The following KRTAP4-12 variants were observed in gnomAD, a reference collection of about 807,000 sequenced individuals.
KRTAP4-12 encodes keratin associated protein 4-12, also known as keratin-associated protein 4-12.
Under a neutral mutation model 0.9 loss-of-function variants are expected in KRTAP4-12, and 1 was observed. The ratio of observed to expected loss-of-function variants is 1.11; its 90% CI spans 0.40 to 5.29. The LOEUF (loss-of-function observed/expected upper bound fraction) is 5.29, where lower values mean the gene tolerates loss of function less well. Among genes scored for constraint, KRTAP4-12 ranks in the 30% most tolerant of loss-of-function variants. The pLI, the probability that KRTAP4-12 is intolerant of heterozygous loss-of-function variation, is 0.16. For missense variants in KRTAP4-12, 240 were observed against 265.6 expected (o/e 0.90, Z 0.67); for synonymous variants, 85 against 94.0 (o/e 0.90, Z 0.55).
Position 41,123,873 on chromosome 17 carries a change from T to A in KRTAP4-12, c.250A>T (p.Ser84Cys), listed in dbSNP as rs1441964465. The change falls in exon 1 of 1, where the codon AGC becomes TGC. Residue 84 changes from serine (S) to cysteine (C), a missense_variant. By Grantham distance (112) the Ser-to-Cys change is moderately radical. Coordinates refer to ENST00000394014, the MANE Select transcript of KRTAP4-12 (RefSeq NM_031854.3). ...TCCRPSCCVS[S>C]CCRPQCCQSV... ...TGGCAGCACTGGGGTCTGCAGCAGC[T>A]GGACACACAGCAGCTGGGGCGGCAG... The A allele has an allele frequency of 1.9e-6, 3 of 1,568,928 alleles. No homozygotes were observed. In the South Asian group the frequency reaches 3.4e-5, roughly 18 times the overall value.
Position 41,123,380 on chromosome 17 carries a change from C to T in KRTAP4-12, c.*137G>A, listed in dbSNP as rs905801736. On this transcript the variant is annotated 3_prime_UTR_variant, in exon 1 of 1. Coordinates refer to ENST00000394014, the MANE Select transcript of KRTAP4-12 (RefSeq NM_031854.3). The stretch of plus-strand genomic sequence containing the variant: ...GGGAGTTTGGACAAAAGGTAGAATG[C>T]AAATACAGAATTTCTAAGGATGAGG... 16 of 1,424,136 alleles carry T rather than the reference C, an allele frequency of 1.1e-5. No homozygotes were observed. The highest frequency in any genetic ancestry group is 1.4e-5 in the Non-Finnish European group (15 of 1,074,952). The allele number at this position is 1,424,136 out of a possible 1,614,324, so 88.2% of individuals were successfully genotyped here.
chr17:41,123,371 G>A lies in KRTAP4-12; in HGVS notation c.*146C>T. 7.1e-7 allele frequency: 1 copy of A among 1,401,182 alleles called. No homozygotes were observed. Among genetic ancestry groups the A allele is most frequent in the South Asian group, 1.5e-5 (1 of 65,786 alleles). The allele number at this position is 1,401,182 out of a possible 1,614,324, so 86.8% of individuals were successfully genotyped here. ...TGGAAGGAAGGGAGTTTGGACAAAAGGTAGAATGCAAATACAGAATTTCTA... is the reference window on the plus strand; with the variant it reads ...TGGAAGGAAGGGAGTTTGGACAAAAAGTAGAATGCAAATACAGAATTTCTA... On this transcript the variant is annotated 3_prime_UTR_variant, in exon 1 of 1. Transcript: ENST00000394014.
chr17:41,123,287 GT>G lies in KRTAP4-12; in HGVS notation c.*229del. On this transcript the variant is annotated 3_prime_UTR_variant, in exon 1 of 1. Transcript: ENST00000394014. ...GAATAAATGTCCTGAAGTCAAAGAG[GT>G]GGGAGGATGTTGGAGGACAATTTGT... 1.2e-6 allele frequency: 1 copy of G among 832,010 alleles called. No homozygotes were observed. Among genetic ancestry groups the G allele is most frequent in the Non-Finnish European group, 1.8e-6 (1 of 541,468 alleles). The allele number at this position is 832,010 out of a possible 1,614,324, so 51.5% of individuals were successfully genotyped here. A position where few individuals can be genotyped will look rare whatever the true frequency, so the allele number is the denominator to read the frequency against.
chr17:41,123,331 G>T lies in KRTAP4-12; in HGVS notation c.*186C>A. 1 of 1,176,790 alleles carries T rather than the reference G, an allele frequency of 8.5e-7. No homozygotes were observed. The highest frequency in any genetic ancestry group is 1.2e-6 in the Non-Finnish European group (1 of 852,974). 72.9% of individuals were successfully genotyped at this position (1,176,790 alleles called of 1,614,324 possible). A position where few individuals can be genotyped will look rare whatever the true frequency, so the allele number is the denominator to read the frequency against. On this transcript the variant is annotated 3_prime_UTR_variant, in exon 1 of 1. Coordinates refer to ENST00000394014, the MANE Select transcript of KRTAP4-12 (RefSeq NM_031854.3). Reference sequence around the variant, plus strand: ...CAATTTGTCAATTTATTAGGAGATTGTCAATGAATTCCTTTGGAAGGAAGG... The same window carrying T: ...CAATTTGTCAATTTATTAGGAGATTTTCAATGAATTCCTTTGGAAGGAAGG...
chr17:41,123,919 G>A lies in KRTAP4-12; in HGVS notation c.204C>T (p.Thr68=), dbSNP rs748291808. Residue 68 remains threonine, a synonymous_variant, in exon 1 of 1, where the codon ACC becomes ACT. Coordinates refer to ENST00000394014, the MANE Select transcript of KRTAP4-12 (RefSeq NM_031854.3). The stretch of plus-strand genomic sequence containing the variant: ...GGCAGCAGGTGGTCCTACAGCAGGT[G>A]GTCTGACAGCAGCTGGGGCGGCAGC... The part of the protein sequence containing the change: ...PTCCRPSCCQ[T]TCCRTTCCRP... The A allele has an allele frequency of 1.5e-5, 23 of 1,559,874 alleles. 1 individual carries two copies. In the East Asian group the frequency reaches 5.2e-4, roughly 35 times the overall value.
rs181136300 is a variant in KRTAP4-12 at position 41,123,510 on chromosome 17, C to G, written c.*7G>C. ...TAATAAGGAAGTGGTGTGTTCACAG[C>G]AGAGATTTAGCAGCAAGAGGAGGCA... On this transcript the variant is annotated 3_prime_UTR_variant, in exon 1 of 1. Transcript: ENST00000394014. The G allele has an allele frequency of 6.2e-7, 1 of 1,609,180 alleles. No individual in the cohort carries two copies. Among genetic ancestry groups the G allele is most frequent in the Non-Finnish European group, 8.5e-7 (1 of 1,177,630 alleles).
chr17:41,124,054 G>A lies in KRTAP4-12; in HGVS notation c.69C>T (p.Pro23=), dbSNP rs148036581. 2.1e-5 allele frequency: 34 copies of A among 1,613,814 alleles called. No homozygotes were observed. In the African/African-American group the frequency reaches 4.3e-4, roughly 20 times the overall value. Residue 23 remains proline, a synonymous_variant, in exon 1 of 1, where the codon CCC becomes CCT. Coordinates refer to ENST00000394014, the MANE Select transcript of KRTAP4-12 (RefSeq NM_031854.3). ...QGCGLENCCR[P]SCCQTTCCRT... The stretch of plus-strand genomic sequence containing the variant: ...TGCAGCAGGTGGTCTGGCAGCAGCT[G>A]GGGCGGCAGCAGTTCTCCAGGCCAC...
At position 41,123,680 on chromosome 17, in the gene KRTAP4-12, G is replaced by A. The variant is rs770954863; in HGVS notation, c.443C>T (p.Ser148Phe). ...PTCCRPSCCI[S>F]SSCCPSCCES... ...ACAGCAAGAGGGGCAGCAGCTGCTG[G>A]AGATGCAGCAGCTGGGGCGGCAGCA... The change falls in exon 1 of 1, where the codon TCC (serine) becomes TTC (phenylalanine). Residue 148 changes from serine to phenylalanine, a missense_variant. By Grantham distance (155) the Ser-to-Phe change is radical (BLOSUM62 -2). This residue lies in a region of KRTAP4-12 where 119 missense variants were observed against 106.2 expected (regional missense o/e 1.12). Transcript: ENST00000394014. 4 of 1,613,622 alleles carry A rather than the reference G, an allele frequency of 2.5e-6. No homozygotes were observed. Among genetic ancestry groups the A allele is most frequent in the Non-Finnish European group, 3.4e-6 (4 of 1,179,968 alleles).
rs530147122 is a variant in KRTAP4-12, at chr17:41,123,103, A to C, written c.*414T>G. ...GAATCATATTCAATTTTCAGTGCCA[A>C]TAGAATAGAGGTTTATTTTGGTACA... is the stretch of plus-strand genomic sequence containing the variant. On this transcript the variant is annotated 3_prime_UTR_variant, in exon 1 of 1. Transcript: ENST00000394014. 1.3e-5 allele frequency: 3 copies of C among 236,498 alleles called. No homozygotes were observed. The highest frequency in any genetic ancestry group is 1.8e-4 in the South Asian group (2 of 10,972). 14.6% of individuals were successfully genotyped at this position (236,498 alleles called of 1,614,324 possible).
At position 41,124,002 on chromosome 17, in the gene KRTAP4-12, A is replaced by G; in HGVS notation, c.121T>C (p.Cys41Arg). The G allele has an allele frequency of 6.2e-7, 1 of 1,605,570 alleles. No individual in the cohort carries two copies. The highest frequency in any genetic ancestry group is 8.5e-7 in the Non-Finnish European group (1 of 1,179,028). ...TGGGGCCTGCAGCAGCTGGACACAC[A>G]GCAGCTGGGGCGGCAGCAGGTGGTC... ...CRTTCCRPSCCVSSCCRPQCC... is the reference protein window; with the variant it reads ...CRTTCCRPSCRVSSCCRPQCC... The change falls in exon 1 of 1, where the codon TGT becomes CGT. Residue 41 changes from cysteine to arginine, a missense_variant. Cys to Arg is a radical substitution (Grantham distance 180). Around this residue, in one of 3 missense-constraint regions of KRTAP4-12, gnomAD observed 110 missense variants for 115.0 expected, o/e 0.96. Coordinates refer to ENST00000394014, the MANE Select transcript of KRTAP4-12 (RefSeq NM_031854.3).
chr17:41,123,589 G>T lies in KRTAP4-12; in HGVS notation c.534C>A (p.Thr178=). Residue 178 remains threonine, a synonymous_variant, in exon 1 of 1, where the codon ACC becomes ACA. Coordinates refer to ENST00000394014, the MANE Select transcript of KRTAP4-12 (RefSeq NM_031854.3). ...TGACACAGGTTGGGCGATAGCAAGTGGTGTGGCAGGAGACTCGGCCACAGA... is the reference window on the plus strand; with the variant it reads ...TGACACAGGTTGGGCGATAGCAAGTTGTGTGGCAGGAGACTCGGCCACAGA... ...RPVCGRVSCH[T]TCYRPTCVIS... is the part of the protein sequence containing the mutation. 1.2e-6 allele frequency: 2 copies of T among 1,612,594 alleles called. No individual in the cohort carries two copies. Among genetic ancestry groups the T allele is most frequent in the Non-Finnish European group, 8.5e-7 (1 of 1,179,412 alleles).
chr17:41,123,349 A>C lies in KRTAP4-12; in HGVS notation c.*168T>G. On this transcript the variant is annotated 3_prime_UTR_variant, in exon 1 of 1. Coordinates refer to ENST00000394014, the MANE Select transcript of KRTAP4-12 (RefSeq NM_031854.3). Reference sequence around the variant, plus strand: ...GGAGATTGTCAATGAATTCCTTTGGAAGGAAGGGAGTTTGGACAAAAGGTA... The same window carrying C: ...GGAGATTGTCAATGAATTCCTTTGGCAGGAAGGGAGTTTGGACAAAAGGTA... The C allele has an allele frequency of 7.7e-7, 1 of 1,298,668 alleles. No individual in the cohort carries two copies. The highest frequency in any genetic ancestry group is 1.6e-5 in the South Asian group (1 of 62,708). The allele number at this position is 1,298,668 out of a possible 1,614,324, so 80.4% of individuals were successfully genotyped here. A position where few individuals can be genotyped will look rare whatever the true frequency, so the allele number is the denominator to read the frequency against.
Position 41,123,236 on chromosome 17 carries a change from C to T in KRTAP4-12, c.*281G>A, listed in dbSNP as rs1478639882. 4.9e-6 allele frequency: 3 copies of T among 606,758 alleles called. No individual in the cohort carries two copies. Among genetic ancestry groups the T allele is most frequent in the East Asian group, 3.0e-5 (1 of 33,570 alleles). 37.6% of individuals were successfully genotyped at this position (606,758 alleles called of 1,614,324 possible). On this transcript the variant is annotated 3_prime_UTR_variant, in exon 1 of 1. Coordinates refer to ENST00000394014, the MANE Select transcript of KRTAP4-12 (RefSeq NM_031854.3). ...TCTGTGGCCCTACAAATGATGGAGGCAATCTTCAAATTCCTTAGGCATGAT... is the reference window on the plus strand; with the variant it reads ...TCTGTGGCCCTACAAATGATGGAGGTAATCTTCAAATTCCTTAGGCATGAT...
rs1478305294 is a variant in KRTAP4-12 at position 41,124,073 on chromosome 17, A to G, written c.50T>C (p.Leu17Pro). 1 of 1,613,452 alleles carries G rather than the reference A, an allele frequency of 6.2e-7. No individual in the cohort carries two copies. Among genetic ancestry groups the G allele is most frequent in the African/African-American group, 1.3e-5 (1 of 74,644 alleles). ...GSVCSDQGCG[L>P]ENCCRPSCCQ... ...GCAGCTGGGGCGGCAGCAGTTCTCC[A>G]GGCCACAGCCCTGGTCAGAGCACAC... The change falls in exon 1 of 1, where the codon CTG becomes CCG. Residue 17 changes from leucine to proline, a missense_variant. Physicochemically the swap from Leu to Pro is moderately conservative, Grantham distance 98 (BLOSUM62 -3). Coordinates refer to ENST00000394014, the MANE Select transcript of KRTAP4-12 (RefSeq NM_031854.3).
At position 41,123,192 on chromosome 17, in the gene KRTAP4-12, A is replaced by C. The variant is rs761112942; in HGVS notation, c.*325T>G. ...TAAGAGAGAGACTTCACTGGACTTCAAGGTTGGAGGCTTTAAGATCTGTGG... is the reference window on the plus strand; with the variant it reads ...TAAGAGAGAGACTTCACTGGACTTCCAGGTTGGAGGCTTTAAGATCTGTGG... On this transcript the variant is annotated 3_prime_UTR_variant, in exon 1 of 1. Coordinates refer to ENST00000394014, the MANE Select transcript of KRTAP4-12 (RefSeq NM_031854.3). 5.5e-5 allele frequency: 27 copies of C among 489,924 alleles called. No individual in the cohort carries two copies. Among genetic ancestry groups the C allele is most frequent in the Non-Finnish European group, 8.8e-5 (25 of 284,100 alleles). 30.3% of individuals were successfully genotyped at this position (489,924 alleles called of 1,614,324 possible).
rs1172415991 is a variant in KRTAP4-12, at chr17:41,123,238, A to C, written c.*279T>G. The C allele has an allele frequency of 1.1e-5, 7 of 613,630 alleles. No individual in the cohort carries two copies. Among genetic ancestry groups the C allele is most frequent in the Non-Finnish European group, 1.9e-5 (7 of 369,360 alleles). 38.0% of individuals were successfully genotyped at this position (613,630 alleles called of 1,614,324 possible). A position where few individuals can be genotyped will look rare whatever the true frequency, so the allele number is the denominator to read the frequency against. On this transcript the variant is annotated 3_prime_UTR_variant, in exon 1 of 1. Transcript: ENST00000394014. ...TGTGGCCCTACAAATGATGGAGGCA[A>C]TCTTCAAATTCCTTAGGCATGATGA... is the stretch of plus-strand genomic sequence containing the variant.
chr17:41,123,121 T>A lies in KRTAP4-12; in HGVS notation c.*396A>T. 3.6e-6 allele frequency: 1 copy of A among 281,666 alleles called. No homozygotes were observed. The highest frequency in any genetic ancestry group is 6.6e-6 in the Non-Finnish European group (1 of 151,454). The allele number at this position is 281,666 out of a possible 1,614,324, so 17.4% of individuals were successfully genotyped here. ...AGTGCCAATAGAATAGAGGTTTATT[T>A]TGGTACATGGAAATAACAAGGTACA... On this transcript the variant is annotated 3_prime_UTR_variant, in exon 1 of 1. Coordinates refer to ENST00000394014, the MANE Select transcript of KRTAP4-12 (RefSeq NM_031854.3).
Position 41,123,315 on chromosome 17 carries a change from A to T in KRTAP4-12, c.*202T>A. ...GGAGGATGTTGGAGGACAATTTGTC[A>T]ATTTATTAGGAGATTGTCAATGAAT... is the stretch of plus-strand genomic sequence containing the variant. On this transcript the variant is annotated 3_prime_UTR_variant, in exon 1 of 1. Transcript: ENST00000394014. 9.3e-7 allele frequency: 1 copy of T among 1,079,580 alleles called. No homozygotes were observed. Among genetic ancestry groups the T allele is most frequent in the Non-Finnish European group, 1.3e-6 (1 of 765,714 alleles). The allele number at this position is 1,079,580 out of a possible 1,614,324, so 66.9% of individuals were successfully genotyped here.
Position 41,123,288 on chromosome 17 carries a change from T to G in KRTAP4-12, c.*229A>C. ...AATAAATGTCCTGAAGTCAAAGAGG[T>G]GGGAGGATGTTGGAGGACAATTTGT... On this transcript the variant is annotated 3_prime_UTR_variant, in exon 1 of 1. Transcript: ENST00000394014. The G allele has an allele frequency of 3.7e-6, 3 of 818,244 alleles. No homozygotes were observed. The highest frequency in any genetic ancestry group is 5.6e-6 in the Non-Finnish European group (3 of 532,724). The allele number at this position is 818,244 out of a possible 1,614,324, so 50.7% of individuals were successfully genotyped here.
Sources: gnomAD v4.1 joint callset for allele counts on GRCh38, gnomAD v4.1.1 for gene constraint, gnomAD v4.1.1 regional missense constraint, MANE v1.5 for transcripts, NCBI Gene and HGNC (gene_info 2026-07-23, HGNC 2026-07-21) for gene names.